The following TNFRSF21 variants were observed in gnomAD, a reference collection of about 807,000 sequenced individuals.
TNFRSF21 encodes TNF receptor superfamily member 21.
A neutral mutation model predicts 45.6 loss-of-function variants in TNFRSF21; 19 were observed. That is an observed-to-expected ratio of 0.42 (90% confidence interval 0.29 to 0.61). The LOEUF (loss-of-function observed/expected upper bound fraction) is 0.61. TNFRSF21 is among the 20% of genes least tolerant of loss of function. TNFRSF21 has a pLI of 0.23. For missense variants in TNFRSF21, 737 were observed against 851.5 expected (o/e 0.87, Z 1.67); for synonymous variants, 314 against 335.5 (o/e 0.94, Z 0.70).
At chr6:47,269,959 G>A (rs137926177) in intron 3 of TNFRSF21, among the ~76,000 whole-genome samples, 177 of 152,282 alleles carry the variant, frequency 1.2e-3, no homozygotes, top group Non-Finnish European at 1.8e-3. Context: ...GCCTCTACCC[G>A]TATATGAGCG....
chr6:47,294,653 A>G (rs952964886), intron 1 of TNFRSF21, among the ~76,000 whole-genome samples: 1 of 152,066 alleles, frequency 6.6e-6, no homozygotes, highest in African/African-American at 2.4e-5. Context: ...TAAGGTGACA[A>G]GCAAATGTAT....
At chr6:47,307,250 T>A (rs1159676560) in intron 1 of TNFRSF21, among the ~76,000 whole-genome samples, 1 of 152,228 alleles carries the variant, frequency 6.6e-6, no homozygotes, top group African/African-American at 2.4e-5. Flanking sequence ...GTATTGGTTA[T>A]CAACTTGAGA....
chr6:47,272,894 A>G (rs1322060996), intron 3 of TNFRSF21, among the ~76,000 whole-genome samples: 1 of 152,240 alleles, frequency 6.6e-6, no homozygotes, highest in Non-Finnish European at 1.5e-5. Context: ...ACCTCTATGC[A>G]AATAAATTAG....
chr6:47,262,250 A>G (rs1353085830), intron 3 of TNFRSF21, among the ~76,000 whole-genome samples: 2 of 152,232 alleles, frequency 1.3e-5, no homozygotes, highest in African/African-American at 4.8e-5. Context: ...AATGGAAGAA[A>G]TATCACTGAT....
chr6:47,290,156 G>C (rs754476233), intron 1 of TNFRSF21, among the ~76,000 whole-genome samples: 3 of 152,190 alleles, frequency 2.0e-5, no homozygotes, highest in Non-Finnish European at 2.9e-5. Context: ...CTGAAAGTTT[G>C]AAAGCTGTAT....
intron 3 of TNFRSF21, among the ~76,000 whole-genome samples, chr6:47,261,099 C>G (rs1056142162): frequency 3.3e-5 from 5 of 152,162 alleles, no homozygotes; most frequent in East Asian, 1.9e-4. Context: ...TAACACCCCC[C>G]CAAACCTCCC....
intron 4 of TNFRSF21, among the ~76,000 whole-genome samples, chr6:47,248,684 C>A (rs2113848119): frequency 6.6e-6 from 1 of 152,300 alleles, no homozygotes; most frequent in Non-Finnish European, 1.5e-5. Flanking sequence ...AGCTCTGGGG[C>A]ACTGAACCCA....
chr6:47,258,235 T>C (rs2113852164), intron 3 of TNFRSF21, among the ~76,000 whole-genome samples: 1 of 151,984 alleles, frequency 6.6e-6, no homozygotes, highest in Middle Eastern at 3.4e-3. Context: ...CGAGGCGTGG[T>C]GGTGCACACC....
chr6:47,290,464 C>G (rs1308604628), intron 1 of TNFRSF21, among the ~76,000 whole-genome samples: 1 of 152,158 alleles, frequency 6.6e-6, no homozygotes, highest in Non-Finnish European at 1.5e-5. Flanking sequence ...ATATGCACTT[C>G]TAAATCTAAA....
intron 1 of TNFRSF21, among the ~76,000 whole-genome samples, chr6:47,298,284 T>TA (rs558717941): frequency 0.02 from 1,488 of 74,392 alleles, 34 homozygotes; most frequent in African/African-American, 0.058. Flanking sequence ...TACAAAAAAT[T>TA]AAAAAAAAAA....
rs1484484797 is a variant in TNFRSF21, at chr6:47,304,411, C to T, written c.96+5005G>A. Among the ~76,000 whole-genome samples, 4 of 152,146 alleles carry T rather than the reference C, an allele frequency of 2.6e-5. No individual in the cohort carries two copies. The South Asian group carries it at 6.2e-4, about 24-fold the overall frequency. On this transcript the variant is annotated intron_variant, in intron 1 of 5. Coordinates refer to ENST00000296861, the MANE Select transcript of TNFRSF21 (RefSeq NM_014452.5). ...TATGCAGCCTCCAAAGAGGCTTCAC[C>T]TCTCATCTTCGTGGATATAGTTGCC...
intron 3 of TNFRSF21, among the ~76,000 whole-genome samples, chr6:47,255,393 T>C (rs1050312794): frequency 1.3e-5 from 2 of 152,096 alleles, no homozygotes; most frequent in Non-Finnish European, 2.9e-5. Flanking sequence ...ATCACCCTTA[T>C]AGTAAGGGCC....
chr6:47,292,355 A>G (rs1344796295), intron 1 of TNFRSF21, among the ~76,000 whole-genome samples: 1 of 151,968 alleles, frequency 6.6e-6, no homozygotes, highest in East Asian at 1.9e-4. Flanking sequence ...CAAAGGCAGC[A>G]TCAAAATTAC....
intron 4 of TNFRSF21, among the ~76,000 whole-genome samples, chr6:47,247,153 A>G (rs1764835753): frequency 6.6e-6 from 1 of 152,192 alleles, no homozygotes; most frequent in South Asian, 2.1e-4. Flanking sequence ...TCTAAAGCCT[A>G]TTTATAAACA....
At chr6:47,248,509 C>T (rs545781696) in intron 4 of TNFRSF21, among the ~76,000 whole-genome samples, 1 of 152,130 alleles carries the variant, frequency 6.6e-6, no homozygotes, top group Admixed American at 6.5e-5. Flanking sequence ...ACATAGAAAA[C>T]CAAATCATAA....
At chr6:47,293,952 A>G (rs891617523) in intron 1 of TNFRSF21, among the ~76,000 whole-genome samples, 1 of 152,206 alleles carries the variant, frequency 6.6e-6, no homozygotes, top group South Asian at 2.1e-4. Context: ...CACAAGCTCC[A>G]TGTGGACAAG....
rs114751061 is a variant in TNFRSF21 at position 47,244,043 on chromosome 6, T to C, written c.1510-9145A>G. On this transcript the variant is annotated intron_variant, in intron 4 of 5. Transcript: ENST00000296861. ...CTGCATGTTTAAAAAGTCTTCAGGC[T>C]GGGCGCGGTGGCTCACACCTGTAAT... Among the ~76,000 whole-genome samples the C allele has an allele frequency of 8.1e-3, 1,238 of 152,240 alleles. 25 individuals are homozygous for C. Among genetic ancestry groups the C allele is most frequent in the African/African-American group, 0.028 (1,147 of 41,554 alleles).
At chr6:47,297,531 T>TG (rs1491483262) in intron 1 of TNFRSF21, among the ~76,000 whole-genome samples, 1 of 133,120 alleles carries the variant, frequency 7.5e-6, no homozygotes, top group Non-Finnish European at 1.6e-5. Context: ...TTTTTTTTTT[T>TG]GAGTTTTTTG....
intron 4 of TNFRSF21, among the ~76,000 whole-genome samples, chr6:47,249,114 G>A (rs186961597): frequency 5.9e-5 from 9 of 152,234 alleles, no homozygotes; most frequent in East Asian, 5.8e-4. Context: ...GTTAGATGGC[G>A]ATCCAGCACA....
Sources: gnomAD v4.1 joint callset for allele counts (sites outside exome capture counted in the v4.1 genomes callset) on GRCh38, gnomAD v4.1.1 for gene constraint, MANE v1.5 for transcripts, NCBI Gene and HGNC (gene_info 2026-07-23, HGNC 2026-07-21) for gene names.